The following CFAP410 variants were observed in gnomAD, a reference collection of about 807,000 sequenced individuals.
CFAP410 encodes cilia- and flagella-associated protein 410.
Under a neutral mutation model 25.7 loss-of-function variants are expected in CFAP410, and 27 were observed. The observed-to-expected ratio is 1.05, with a 90% CI of 0.77 to 1.45. CFAP410 has a LOEUF of 1.45. CFAP410 is among the 40% of genes most tolerant of loss of function. The pLI is 0.00. For synonymous variants in CFAP410, 178 were observed against 158.4 expected, an observed-to-expected ratio of 1.12 and a Z score of -0.93; for missense variants, 428 against 354.1, an observed-to-expected ratio of 1.21 and a Z score of -1.67.
rs755022406 is a variant in CFAP410 at position 44,333,179 on chromosome 21, C to T, written c.227G>A (p.Ser76Asn). The change falls in exon 4 of 7, where the codon AGC (serine) becomes AAC (asparagine). Residue 76 changes from serine to asparagine, a missense_variant. Transcript: ENST00000339818. ...ELYLRRNRIP[S>N]LAELFYLKGL... ...CTTCAGGTAGAAGAGCTCAGCCAGG[C>T]TGGGGATGCGGTTCCTCCGCAGGTA... The T allele has an allele frequency of 6.2e-7, 1 of 1,612,944 alleles. No homozygotes were observed. The highest frequency in any genetic ancestry group is 8.5e-7 in the Non-Finnish European group (1 of 1,179,960).
Position 44,330,116 on chromosome 21 carries a change from T to C in CFAP410, c.*82A>G. On this transcript the variant is annotated 3_prime_UTR_variant, in exon 7 of 7. Coordinates refer to ENST00000339818, the MANE Select transcript of CFAP410 (RefSeq NM_004928.3). ...TTGTGTGGGGCCGGGGCTGCGGCCATGGCAGCCACCCTCCAGCTCCCGGGG... is the reference window on the plus strand; with the variant it reads ...TTGTGTGGGGCCGGGGCTGCGGCCACGGCAGCCACCCTCCAGCTCCCGGGG... 6.9e-7 allele frequency: 1 copy of C among 1,452,138 alleles called. No individual in the cohort carries two copies. Among genetic ancestry groups the C allele is most frequent in the Non-Finnish European group, 9.2e-7 (1 of 1,081,294 alleles). The allele number at this position is 1,452,138 out of a possible 1,614,324, so 90.0% of individuals were successfully genotyped here.
intron 2 of CFAP410, among the ~76,000 whole-genome samples, chr21:44,336,438 G>A (rs531883168): frequency 3.3e-5 from 5 of 152,288 alleles, no homozygotes; most frequent in Non-Finnish European, 5.9e-5. Flanking sequence ...AACAGGTCTA[G>A]GCCAAAAGGA....
chr21:44,337,553 AC>A, intron 2 of CFAP410, 95 bp downstream of exon 2: 1 of 1,146,892 alleles, frequency 8.7e-7, no homozygotes. Context: ...AGTTTTGTCA[AC>A]TTAAAAATTC....
rs372930994 is a variant in CFAP410 at position 44,329,904 on chromosome 21, T to A, written c.*294A>T. The A allele has an allele frequency of 1.4e-5, 5 of 363,764 alleles. No homozygotes were observed. 22.5% of individuals were successfully genotyped at this position (363,764 alleles called of 1,614,324 possible). A position where few individuals can be genotyped will look rare whatever the true frequency, so the allele number is the denominator to read the frequency against. On this transcript the variant is annotated 3_prime_UTR_variant, in exon 7 of 7. Coordinates refer to ENST00000339818, the MANE Select transcript of CFAP410 (RefSeq NM_004928.3). ...CACCTCCAGATCAACCTTGGGAAAA[T>A]CTTTTATTAGGGAGGACAGCCTGCA... is the stretch of plus-strand genomic sequence containing the variant.
intron 3 of CFAP410, chr21:44,335,384 T>C (rs1189996565): frequency 3.5e-6 from 1 of 284,012 alleles, no homozygotes; most frequent in East Asian, 8.2e-5. Context: ...CCAGGGCAGA[T>C]GTGGCCACCG....
Position 44,333,275 on chromosome 21 carries a change from C to G in CFAP410, c.144-13G>C. 1 of 1,596,546 alleles carries G rather than the reference C, an allele frequency of 6.3e-7. No individual in the cohort carries two copies. Among genetic ancestry groups the G allele is most frequent in the African/African-American group, 1.3e-5 (1 of 74,616 alleles). On this transcript the variant is annotated splice_polypyrimidine_tract_variant and intron_variant, in intron 3 of 6. Coordinates refer to ENST00000339818, the MANE Select transcript of CFAP410 (RefSeq NM_004928.3). ...GATGCTGTTGACACTGCACGGAGACCAGCACAGTCAGCGAGGGACGTGGCC... is the reference window on the plus strand; with the variant it reads ...GATGCTGTTGACACTGCACGGAGACGAGCACAGTCAGCGAGGGACGTGGCC...
In CFAP410 at chr21:44,331,824, C is replaced by T. The variant is rs576589166; in HGVS notation, c.545+19G>A. The T allele has an allele frequency of 1.9e-5, 31 of 1,605,706 alleles. No homozygotes were observed. The Admixed American group carries it at 2.9e-4, about 15-fold the overall frequency. ...GGACAGGGATGGGCTGCGGAGTCCC[C>T]GCTGCCCTCCAGCCTCACGTTGCCT... On this transcript the variant is annotated intron_variant, in intron 5 of 6. Coordinates refer to ENST00000339818, the MANE Select transcript of CFAP410 (RefSeq NM_004928.3).
At position 44,330,175 on chromosome 21, in the gene CFAP410, G is replaced by A. The variant is rs1172882851; in HGVS notation, c.*23C>T. ...AGACGCTGGGGTCCCCGTGGAGGCTGGAGCGGCGTTCAGGTCCTGCGGTCA... is the reference window on the plus strand; with the variant it reads ...AGACGCTGGGGTCCCCGTGGAGGCTAGAGCGGCGTTCAGGTCCTGCGGTCA... On this transcript the variant is annotated 3_prime_UTR_variant, in exon 7 of 7. Transcript: ENST00000339818. 1 of 1,547,718 alleles carries A rather than the reference G, an allele frequency of 6.5e-7. No individual in the cohort carries two copies. The highest frequency in any genetic ancestry group is 8.7e-7 in the Non-Finnish European group (1 of 1,152,336).
At chr21:44,338,434 ACCTGCCTTTCAG>A in intron 1 of CFAP410, 1 of 622,588 alleles carries the variant, frequency 1.6e-6, no homozygotes, top group Non-Finnish European at 2.6e-6. Context: ...ACTCAGCATT[ACCTGCCTTTCAG>A]CCTGCCTGGG....
At chr21:44,336,082 G>T (rs1306532327) in intron 2 of CFAP410, among the ~76,000 whole-genome samples, 1 of 126,694 alleles carries the variant, frequency 7.9e-6, no homozygotes. Context: ...GAGGGGAGCG[G>T]CCCTGCTCAG....
intron 3 of CFAP410, chr21:44,334,052 C>T (rs1024463597): frequency 2.2e-6 from 1 of 453,728 alleles, no homozygotes; most frequent in Non-Finnish European, 4.4e-6. Context: ...TGAGGCCGCC[C>T]CATTTTACCA....
intron 3 of CFAP410, 59 bp from the exon 4 acceptor site, chr21:44,333,321 T>C: frequency 7.4e-7 from 1 of 1,358,436 alleles, no homozygotes; most frequent in Non-Finnish European, 1.0e-6. Flanking sequence ...GGGCCACCTC[T>C]CAATCCCCAC....
intron 1 of CFAP410, chr21:44,338,210 TTTAA>T (rs2047789688): frequency 1.7e-6 from 2 of 1,154,714 alleles, no homozygotes; most frequent in African/African-American, 3.3e-5. Context: ...AGAAAAGCTT[TTTAA>T]TTAACAGGGA....
Position 44,333,017 on chromosome 21 carries a change from C to T in CFAP410, c.373+16G>A, listed in dbSNP as rs531036991. ...ATTGTTTTGGGAGGGCCGGTGACTCCGCTGCGGCCACCTACCCTGGTTGTC... is the reference window on the plus strand; with the variant it reads ...ATTGTTTTGGGAGGGCCGGTGACTCTGCTGCGGCCACCTACCCTGGTTGTC... On this transcript the variant is annotated intron_variant, in intron 4 of 6. Transcript: ENST00000339818. The T allele has an allele frequency of 5.5e-5, 85 of 1,545,254 alleles. No individual in the cohort carries two copies. The highest frequency in any genetic ancestry group is 1.1e-4 in the Admixed American group (6 of 55,206).
rs574007967 is a variant in CFAP410 at position 44,337,991 on chromosome 21, C to G, written c.78-324G>C. 2.6e-5 allele frequency among the ~76,000 whole-genome samples: 4 copies of G among 152,328 alleles called. No individual in the cohort carries two copies. In the East Asian group the frequency reaches 7.7e-4, roughly 29 times the overall value. On this transcript the variant is annotated intron_variant, in intron 1 of 6. Transcript: ENST00000339818. ...GCAGAAGGTTCATTTCTCTCACTGACAGACATAAACAAGGGCGTCTTTATA... is the reference window on the plus strand; with the variant it reads ...GCAGAAGGTTCATTTCTCTCACTGAGAGACATAAACAAGGGCGTCTTTATA...
At position 44,331,905 on chromosome 21, in the gene CFAP410, C is replaced by T. The variant is rs1333193995; in HGVS notation, c.483G>A (p.Leu161=). The change falls in exon 5 of 7, where the codon CTG becomes CTA. Residue 161 remains leucine, a synonymous_variant. Transcript: ENST00000339818. Reference sequence around the variant, plus strand: ...TCTCAGCAGCGGAGCTGAGGGAGCTCAGTGTGCAGCATAGCTTGGGGCCGC... The same window carrying T: ...TCTCAGCAGCGGAGCTGAGGGAGCTTAGTGTGCAGCATAGCTTGGGGCCGC... The part of the protein sequence containing the change: ...GHGGPKLCCT[L]SSLSSAAETG... 7 of 1,613,212 alleles carry T rather than the reference C, an allele frequency of 4.3e-6. No individual in the cohort carries two copies. Among genetic ancestry groups the T allele is most frequent in the Non-Finnish European group, 5.9e-6 (7 of 1,179,856 alleles).
intron 4 of CFAP410, 52 bp downstream of exon 4, chr21:44,332,981 C>G: frequency 8.1e-7 from 1 of 1,238,566 alleles, no homozygotes; most frequent in Non-Finnish European, 1.1e-6. Context: ...TGGGGACATC[C>G]CCTTCCAGGG....
At chr21:44,335,637 G>A (rs1231388406) in intron 3 of CFAP410, 121 bp downstream of exon 3, 23 of 763,984 alleles carry the variant, frequency 3.0e-5, no homozygotes, top group Non-Finnish European at 4.6e-5. Flanking sequence ...TCTGGAAGCC[G>A]CCCTCAGTCT....
At chr21:44,331,226 G>A in intron 5 of CFAP410, 1 of 479,044 alleles carries the variant, frequency 2.1e-6, no homozygotes, top group Non-Finnish European at 3.7e-6. Flanking sequence ...ACAAATGCCG[G>A]GGGAGAGCTC....
Sources: allele counts gnomAD v4.1 joint callset (sites outside exome capture counted in the v4.1 genomes callset), GRCh38; gene constraint gnomAD v4.1.1; transcripts MANE v1.5; gene names NCBI Gene and HGNC (gene_info 2026-07-23, HGNC 2026-07-21).